ZC3H18: variants seen among roughly 807,000 people sequenced by gnomAD.
ZC3H18 encodes the protein zinc finger CCCH-type containing 18, also known as zinc finger CCCH domain-containing protein 18.
Under a neutral mutation model 106.1 loss-of-function variants are expected in ZC3H18, and 8 were observed. The ratio of observed to expected loss-of-function variants is 0.08; its 90% CI spans 0.04 to 0.14. The LOEUF is 0.14. Among genes scored for constraint, ZC3H18 ranks in the 10% least tolerant of loss-of-function variants. The pLI is 1.00. For synonymous variants in ZC3H18, 635 were observed against 522.1 expected (o/e 1.22, Z -2.95); for missense variants, 1,318 against 1,278.4 (o/e 1.03, Z -0.47).
At chr16:88,579,124 C>T (rs1030765148) in intron 2 of ZC3H18, among the ~76,000 whole-genome samples, 10 of 152,204 alleles carry the variant, frequency 6.6e-5, no homozygotes, top group African/African-American at 2.4e-5. Flanking sequence ...TGTGACTTTA[C>T]GGGACGTGTG....
chr16:88,581,056 C>G (rs1333815142), intron 2 of ZC3H18, among the ~76,000 whole-genome samples: 1 of 152,218 alleles, frequency 6.6e-6, no homozygotes, highest in Non-Finnish European at 1.5e-5. Context: ...GTGGCCTACC[C>G]CTTGGCACCC....
At chr16:88,595,474 CTTT>C (rs11302563) in intron 3 of ZC3H18, among the ~76,000 whole-genome samples, 16 of 133,566 alleles carry the variant, frequency 1.2e-4, no homozygotes, top group African/African-American at 2.5e-4. Flanking sequence ...TTCTTTCTTT[CTTT>C]TTTTTTTTTT....
In ZC3H18 at chr16:88,577,682, A is replaced by G; in HGVS notation, c.559A>G (p.Lys187Glu). The G allele has an allele frequency of 6.2e-7, 1 of 1,613,858 alleles. No individual in the cohort carries two copies. Among genetic ancestry groups the G allele is most frequent in the Non-Finnish European group, 8.5e-7 (1 of 1,180,026 alleles). ...KESLEAAKEK[K>E]KEDDDGEIDD... ...ATCCCTGGAGGCTGCCAAGGAGAAA[A>G]AGAAAGAGGACGATGATGGAGAAAT... The change falls in exon 2 of 18, where the codon AAG becomes GAG. Residue 187 changes from lysine to glutamate, a missense_variant. Lys to Glu is a moderately conservative substitution (Grantham distance 56). Coordinates refer to ENST00000301011, the MANE Select transcript of ZC3H18 (RefSeq NM_144604.4).
At chr16:88,614,609 T>G (rs1392426606) in intron 8 of ZC3H18, among the ~76,000 whole-genome samples, 2 of 152,274 alleles carry the variant, frequency 1.3e-5, no homozygotes, top group African/African-American at 4.8e-5. Context: ...CTAGGCAAAG[T>G]AATCTTCTTA....
At chr16:88,582,551 G>C (rs1317611520) in intron 2 of ZC3H18, among the ~76,000 whole-genome samples, 1 of 152,082 alleles carries the variant, frequency 6.6e-6, no homozygotes, top group Non-Finnish European at 1.5e-5. Context: ...CTTCAAGTGG[G>C]GTTCTCTTCC....
At chr16:88,599,976 G>GT (rs1567586979) in intron 6 of ZC3H18, 28 bp downstream of exon 6, 1 of 1,610,658 alleles carries the variant, frequency 6.2e-7, no homozygotes, top group Non-Finnish European at 8.5e-7. Context: ...CTGCCCCTCC[G>GT]TTTCCTTCCT....
At chr16:88,613,953 A>C (rs989841675) in intron 8 of ZC3H18, among the ~76,000 whole-genome samples, 1 of 152,196 alleles carries the variant, frequency 6.6e-6, no homozygotes, top group African/African-American at 2.4e-5. Context: ...GGTGTCGATG[A>C]GAGCATGAAC....
chr16:88,586,059 G>A (rs1293276620), intron 2 of ZC3H18, among the ~76,000 whole-genome samples: 1 of 152,120 alleles, frequency 6.6e-6, no homozygotes. Context: ...GTCCCTGTGG[G>A]TGAGGCCCAG....
At chr16:88,591,514 G>T (rs753173468) in intron 3 of ZC3H18, among the ~76,000 whole-genome samples, 2 of 151,932 alleles carry the variant, frequency 1.3e-5, no homozygotes, top group African/African-American at 2.4e-5. Flanking sequence ...GGAGGTTGCA[G>T]TGAGCCAAGA....
chr16:88,628,761 G>A lies in ZC3H18; in HGVS notation c.2473G>A (p.Ala825Thr). 6.2e-7 allele frequency: 1 copy of A among 1,613,992 alleles called. No homozygotes were observed. Among genetic ancestry groups the A allele is most frequent in the Non-Finnish European group, 8.5e-7 (1 of 1,179,920 alleles). Reference protein sequence around the residue: ...EIKLTLLNKAADKGSRKRYEP... With the variant: ...EIKLTLLNKATDKGSRKRYEP... ...ACTGGCCTCTCTCTTGTCCCAGGCG[G>A]CTGATAAAGGAAGCAGGAAGCGCTA... The change falls in exon 16 of 18, where the codon GCT (alanine) becomes ACT (threonine). Residue 825 changes from alanine to threonine, a missense_variant. By Grantham distance (58) the Ala-to-Thr change is moderately conservative. This residue lies in a region of ZC3H18 where 848 missense variants were observed against 821.7 expected (regional missense o/e 1.03). Coordinates refer to ENST00000301011, the MANE Select transcript of ZC3H18 (RefSeq NM_144604.4).
At chr16:88,574,667 A>ATTTTTTTTTTT (rs35816940) in intron 1 of ZC3H18, among the ~76,000 whole-genome samples, 2 of 79,858 alleles carry the variant, frequency 2.5e-5, no homozygotes, top group African/African-American at 1.2e-4. Flanking sequence ...CACCCAGCTA[A>ATTTTTTTTTTT]TTTTTTTTTT....
At chr16:88,624,147 G>C (rs1331128464) in intron 11 of ZC3H18, 85 bp downstream of exon 11, 8 of 1,554,270 alleles carry the variant, frequency 5.1e-6, no homozygotes, top group Non-Finnish European at 6.1e-6. Flanking sequence ...TCTCTCATTT[G>C]TGTTTGGGAC....
chr16:88,580,206 G>GTA (rs1915036360), intron 2 of ZC3H18, among the ~76,000 whole-genome samples: 1 of 61,320 alleles, frequency 1.6e-5, no homozygotes, highest in African/African-American at 5.2e-5. Flanking sequence ...GTGTGTGTGT[G>GTA]TGTATATGTA....
At chr16:88,630,744 G>GCCC (rs1166450569) in intron 17 of ZC3H18, among the ~76,000 whole-genome samples, 163 bp downstream of exon 17, 49 of 76,488 alleles carry the variant, frequency 6.4e-4, no homozygotes, top group African/African-American at 1.0e-3. Flanking sequence ...GCGAATTGCA[G>GCCC]CCCCACCCCC....
intron 1 of ZC3H18, among the ~76,000 whole-genome samples, chr16:88,571,952 G>A (rs559910573): frequency 6.6e-6 from 1 of 152,270 alleles, no homozygotes; most frequent in African/African-American, 2.4e-5. Flanking sequence ...GTATTTCATC[G>A]GTGCTTCTTT....
At chr16:88,596,073 C>T (rs7202294) in intron 3 of ZC3H18, among the ~76,000 whole-genome samples, 11,522 of 152,176 alleles carry the variant, frequency 0.076, 516 homozygotes, top group Middle Eastern at 0.099. Flanking sequence ...GGACAGCGCT[C>T]AGCACCCCCG....
chr16:88,577,791 G>C, intron 2 of ZC3H18, 65 bp downstream of exon 2: 1 of 1,609,122 alleles, frequency 6.2e-7, no homozygotes, highest in Non-Finnish European at 8.5e-7. Flanking sequence ...GACTGGTGCT[G>C]GAAAGGAGGG....
intron 3 of ZC3H18, among the ~76,000 whole-genome samples, 194 bp from the exon 4 acceptor site, chr16:88,597,984 G>A (rs1005362861): frequency 6.6e-6 from 1 of 152,214 alleles, no homozygotes; most frequent in African/African-American, 2.4e-5. Context: ...CCGTGCCTGG[G>A]CAGGTGCAGC....
intron 9 of ZC3H18, chr16:88,622,716 G>C (rs1241168216): frequency 2.9e-6 from 1 of 340,186 alleles, no homozygotes; most frequent in Non-Finnish European, 5.4e-6. Context: ...GAGTCCATCT[G>C]TTCCTCCAGA....
Sources: allele counts gnomAD v4.1 joint callset (sites outside exome capture counted in the v4.1 genomes callset), GRCh38; gene constraint gnomAD v4.1.1; regional missense constraint gnomAD v4.1.1; transcripts MANE v1.5; gene names NCBI Gene and HGNC (gene_info 2026-07-23, HGNC 2026-07-21).